The following EPHA3 variants were observed in gnomAD, a reference collection of about 807,000 sequenced individuals.
The protein encoded by EPHA3 is ephrin type-A receptor 3.
A neutral mutation model predicts 107.1 loss-of-function variants in EPHA3; 42 were observed. That is an observed-to-expected ratio of 0.39 (90% confidence interval 0.31 to 0.51). The LOEUF is 0.51. EPHA3 is among the 20% of genes least tolerant of loss of function. EPHA3 has a pLI of 0.78. For missense variants in EPHA3, 1,183 were observed against 1,211.2 expected, an observed-to-expected ratio of 0.98 and a Z score of 0.35; for synonymous variants, 461 against 424.8, an observed-to-expected ratio of 1.09 and a Z score of -1.05.
intron 1 of EPHA3, among the ~76,000 whole-genome samples, chr3:89,122,074 C>A (rs1269186475): frequency 6.6e-6 from 1 of 152,156 alleles, no homozygotes; most frequent in Non-Finnish European, 1.5e-5. Context: ...GTATCATTTT[C>A]TTCAATTTGT....
At chr3:89,368,477 G>C (rs1051152405) in intron 5 of EPHA3, among the ~76,000 whole-genome samples, 6 of 150,366 alleles carry the variant, frequency 4.0e-5, no homozygotes, top group African/African-American at 1.2e-4. Flanking sequence ...AGAAAAGACT[G>C]ATACAATTCA....
At chr3:89,295,256 T>A (rs562300912) in intron 3 of EPHA3, among the ~76,000 whole-genome samples, 1 of 152,268 alleles carries the variant, frequency 6.6e-6, no homozygotes, top group East Asian at 1.9e-4. Context: ...TAGTTAAAAA[T>A]ACTTTATTAC....
chr3:89,160,239 A>G (rs529208120), intron 2 of EPHA3, among the ~76,000 whole-genome samples: 14 of 152,222 alleles, frequency 9.2e-5, no homozygotes, highest in African/African-American at 3.4e-4. Context: ...TCTGGGGGTA[A>G]CAGACAACAA....
intron 2 of EPHA3, among the ~76,000 whole-genome samples, chr3:89,193,493 G>A (rs138733183): frequency 1.3e-5 from 2 of 152,114 alleles, no homozygotes; most frequent in Non-Finnish European, 2.9e-5. Flanking sequence ...CAGTTAGAGA[G>A]GAGGAGTAAG....
chr3:89,241,689 G>T (rs1221810925), intron 3 of EPHA3, among the ~76,000 whole-genome samples: 1 of 151,986 alleles, frequency 6.6e-6, no homozygotes, highest in Non-Finnish European at 1.5e-5. Flanking sequence ...TTATCAGTCA[G>T]TTTCTTTTAT....
At chr3:89,381,826 C>T (rs77761253) in intron 5 of EPHA3, among the ~76,000 whole-genome samples, 4 of 152,118 alleles carry the variant, frequency 2.6e-5, no homozygotes, top group East Asian at 1.9e-4. Context: ...TGCTAGAATG[C>T]GCAATCTATG....
chr3:89,284,173 A>T (rs1349335256), intron 3 of EPHA3, among the ~76,000 whole-genome samples: 2 of 152,154 alleles, frequency 1.3e-5, no homozygotes, highest in Non-Finnish European at 2.9e-5. Context: ...ATTATGTAAC[A>T]CCTATTTTCA....
rs981745594 is a variant in EPHA3 at position 89,107,729 on chromosome 3, C to T, written c.-20C>T. 1.2e-6 allele frequency: 2 copies of T among 1,609,362 alleles called. No homozygotes were observed. ...GCTTCATGGAGATATGCTCCTCTCA[C>T]TGCCCTCTGCACCAGCAACATGGAT... On this transcript the variant is annotated 5_prime_UTR_variant, in exon 1 of 17. Coordinates refer to ENST00000336596, the MANE Select transcript of EPHA3 (RefSeq NM_005233.6).
intron 2 of EPHA3, among the ~76,000 whole-genome samples, chr3:89,165,877 T>C (rs1705049720): frequency 6.6e-6 from 1 of 152,182 alleles, no homozygotes; most frequent in Admixed American, 6.5e-5. Context: ...CATTCAGGGC[T>C]TTTGTTCCTG....
At chr3:89,191,705 A>G (rs145311166) in intron 2 of EPHA3, among the ~76,000 whole-genome samples, 1,895 of 152,276 alleles carry the variant, frequency 0.012, 17 homozygotes, top group Non-Finnish European at 0.022. Context: ...GTTAATTGGT[A>G]GATATATTGT....
intron 5 of EPHA3, among the ~76,000 whole-genome samples, chr3:89,391,847 C>T (rs1708750463): frequency 6.6e-6 from 1 of 151,980 alleles, no homozygotes; most frequent in Admixed American, 6.6e-5. Context: ...TCAGCTGTAT[C>T]CAGAATAGCA....
chr3:89,261,926 A>G (rs1211336438), intron 3 of EPHA3, among the ~76,000 whole-genome samples: 1 of 151,746 alleles, frequency 6.6e-6, no homozygotes, highest in Non-Finnish European at 1.5e-5. Context: ...AGACACCCAC[A>G]CATACATATG....
intron 9 of EPHA3, among the ~76,000 whole-genome samples, chr3:89,411,380 C>G (rs1443125159): frequency 2.0e-5 from 3 of 151,844 alleles, no homozygotes; most frequent in Non-Finnish European, 4.4e-5. Context: ...TGGATAGCAG[C>G]TGCTCTTTTG....
chr3:89,243,933 G>A (rs780673093), intron 3 of EPHA3, among the ~76,000 whole-genome samples: 7 of 152,006 alleles, frequency 4.6e-5, no homozygotes, highest in Non-Finnish European at 1.0e-4. Context: ...ATTTAGTGAA[G>A]TACAAAAATA....
At chr3:89,281,004 A>G (rs1174875045) in intron 3 of EPHA3, among the ~76,000 whole-genome samples, 1 of 147,280 alleles carries the variant, frequency 6.8e-6, no homozygotes, top group Non-Finnish European at 1.5e-5. Flanking sequence ...CAAGATTTTT[A>G]TTATTTATTT....
At chr3:89,392,952 T>C (rs1708774699) in intron 5 of EPHA3, among the ~76,000 whole-genome samples, 1 of 152,110 alleles carries the variant, frequency 6.6e-6, no homozygotes, top group African/African-American at 2.4e-5. Context: ...CCCAGAGAAT[T>C]TGTCTCTTTC....
chr3:89,125,328 A>C (rs1704071125), intron 1 of EPHA3, among the ~76,000 whole-genome samples: 1 of 151,830 alleles, frequency 6.6e-6, no homozygotes, highest in Non-Finnish European at 1.5e-5. Flanking sequence ...GGTATCACAC[A>C]ACTAACAACT....
intron 12 of EPHA3, 93 bp from the exon 13 acceptor site, chr3:89,431,057 T>A: frequency 7.6e-7 from 1 of 1,322,834 alleles, no homozygotes; most frequent in East Asian, 2.4e-5. Context: ...GTCAGTCTTG[T>A]TACAAAATTC....
intron 15 of EPHA3, among the ~76,000 whole-genome samples, chr3:89,467,615 A>G (rs1710311895): frequency 6.6e-6 from 1 of 152,174 alleles, no homozygotes; most frequent in African/African-American, 2.4e-5. Flanking sequence ...CTTTTTCCCC[A>G]GTATCTGGTG....
Sources: allele counts gnomAD v4.1 joint callset (sites outside exome capture counted in the v4.1 genomes callset), GRCh38; gene constraint gnomAD v4.1.1; transcripts MANE v1.5; gene names NCBI Gene and HGNC (gene_info 2026-07-23, HGNC 2026-07-21).